The following STXBP5L variants were observed in gnomAD, a reference collection of about 807,000 sequenced individuals.
The protein encoded by STXBP5L is syntaxin binding protein 5L.
A neutral mutation model predicts 144.5 loss-of-function variants in STXBP5L; 65 were observed. That is an observed-to-expected ratio of 0.45 (90% CI 0.37 to 0.55). The LOEUF is 0.55. Ranked by LOEUF, STXBP5L falls within the 20% of genes least tolerant of loss-of-function variation. The pLI is 0.00. For synonymous variants in STXBP5L, 505 were observed against 469.6 expected (o/e 1.08, Z -0.97); for missense variants, 1,298 against 1,405.5 (o/e 0.92, Z 1.22).
intron 22 of STXBP5L, among the ~76,000 whole-genome samples, chr3:121,394,975 A>G (rs893485454): frequency 6.6e-6 from 1 of 152,120 alleles, no homozygotes; most frequent in Non-Finnish European, 1.5e-5. Flanking sequence ...ATAAAACTTC[A>G]TTTACCCTTT....
At chr3:121,383,591 A>G (rs1283227607) in intron 22 of STXBP5L, among the ~76,000 whole-genome samples, 1 of 152,150 alleles carries the variant, frequency 6.6e-6, no homozygotes, top group Non-Finnish European at 1.5e-5. Flanking sequence ...GGAGAAAGCC[A>G]TGAGTCTGGG....
At chr3:121,324,566 T>C (rs1369714093) in intron 20 of STXBP5L, 2 of 694,318 alleles carry the variant, frequency 2.9e-6, no homozygotes, top group Non-Finnish European at 5.2e-6. Context: ...GACAGAGGAA[T>C]CAAGTATATC....
At chr3:121,056,888 A>AT (rs1034661147) in intron 5 of STXBP5L, among the ~76,000 whole-genome samples, 4 of 151,526 alleles carry the variant, frequency 2.6e-5, no homozygotes, top group Admixed American at 1.3e-4. Flanking sequence ...AGAATATCAT[A>AT]TTTTTTTGTT....
chr3:121,164,448 G>A (rs2046431313), intron 9 of STXBP5L, among the ~76,000 whole-genome samples: 1 of 152,148 alleles, frequency 6.6e-6, no homozygotes, highest in South Asian at 2.1e-4. Flanking sequence ...ATGTAGATTG[G>A]TACAGTCATT....
At chr3:121,052,997 T>C (rs1052391773) in intron 5 of STXBP5L, among the ~76,000 whole-genome samples, 1 of 152,176 alleles carries the variant, frequency 6.6e-6, no homozygotes, top group African/African-American at 2.4e-5. Context: ...CCATTCACAA[T>C]TGCTTCAAAG....
intron 5 of STXBP5L, among the ~76,000 whole-genome samples, chr3:121,093,367 C>G (rs1259299815): frequency 6.6e-6 from 1 of 152,100 alleles, no homozygotes. Flanking sequence ...CTCCTTGTAC[C>G]TCTGATAGAA....
chr3:121,226,722 G>T (rs532002460), intron 11 of STXBP5L, among the ~76,000 whole-genome samples: 1 of 152,092 alleles, frequency 6.6e-6, no homozygotes, highest in Non-Finnish European at 1.5e-5. Flanking sequence ...GGACTTTAGG[G>T]CAATGCACAA....
chr3:121,006,036 G>A (rs565573955), intron 3 of STXBP5L, among the ~76,000 whole-genome samples: 2 of 152,276 alleles, frequency 1.3e-5, no homozygotes, highest in South Asian at 4.2e-4. Context: ...CTGATGATTT[G>A]GGGTGGAGAG....
intron 3 of STXBP5L, among the ~76,000 whole-genome samples, chr3:120,977,106 C>G (rs1442615303): frequency 6.6e-6 from 1 of 152,106 alleles, no homozygotes; most frequent in Non-Finnish European, 1.5e-5. Context: ...TCCTTGTTAC[C>G]TTTCTGTCTC....
rs1233505613 is a variant in STXBP5L at position 121,206,016 on chromosome 3, T to G, written c.956+15T>G. 5.5e-6 allele frequency: 8 copies of G among 1,454,552 alleles called. No homozygotes were observed. Among genetic ancestry groups the G allele is most frequent in the Non-Finnish European group, 9.2e-7 (1 of 1,092,592 alleles). 90.1% of individuals were successfully genotyped at this position (1,454,552 alleles called of 1,614,324 possible). A position where few individuals can be genotyped will look rare whatever the true frequency, so the allele number is the denominator to read the frequency against. On this transcript the variant is annotated intron_variant, in intron 10 of 26. Transcript: ENST00000471454. Reference sequence around the variant, plus strand: ...TGCAAAAACAGGTATGCATTTTTACTTTAGGGAAAGAGGGATACGAAGCAG... The same window carrying G: ...TGCAAAAACAGGTATGCATTTTTACGTTAGGGAAAGAGGGATACGAAGCAG...
chr3:121,062,544 G>A (rs952768489), intron 5 of STXBP5L, among the ~76,000 whole-genome samples: 2 of 152,146 alleles, frequency 1.3e-5, no homozygotes, highest in Non-Finnish European at 2.9e-5. Context: ...TTGAATGTTG[G>A]CCTGGGCCTG....
intron 2 of STXBP5L, among the ~76,000 whole-genome samples, chr3:120,926,817 A>G (rs1261976160): frequency 6.6e-6 from 1 of 152,100 alleles, no homozygotes; most frequent in Non-Finnish European, 1.5e-5. Flanking sequence ...TTAGCTGTTG[A>G]GGGCCTCTAG....
chr3:121,004,341 G>C (rs967984274), intron 3 of STXBP5L, among the ~76,000 whole-genome samples: 2 of 151,798 alleles, frequency 1.3e-5, no homozygotes, highest in Non-Finnish European at 2.9e-5. Flanking sequence ...TCATGATTTG[G>C]CTCTCTGTTT....
rs894294330 is a variant in STXBP5L, at chr3:121,422,486, G to A, written c.*3389G>A. 3 of 152,100 alleles carry A rather than the reference G, an allele frequency of 2.0e-5. No individual in the cohort carries two copies. The highest frequency in any genetic ancestry group is 2.9e-5 in the Non-Finnish European group (2 of 68,024). 9.4% of individuals were successfully genotyped at this position (152,100 alleles called of 1,614,324 possible). A position where few individuals can be genotyped will look rare whatever the true frequency, so the allele number is the denominator to read the frequency against. Reference sequence around the variant, plus strand: ...AGGTATTTGTTTCCCTGATAATAACGTGAGCAATAGTCCCTACCTTGAAAT... The same window carrying A: ...AGGTATTTGTTTCCCTGATAATAACATGAGCAATAGTCCCTACCTTGAAAT... On this transcript the variant is annotated 3_prime_UTR_variant, in exon 27 of 27. Coordinates refer to ENST00000471454, the MANE Select transcript of STXBP5L (RefSeq NM_001308330.2).
chr3:121,038,427 A>G (rs1946909679), intron 3 of STXBP5L, among the ~76,000 whole-genome samples: 1 of 151,988 alleles, frequency 6.6e-6, no homozygotes, highest in Admixed American at 6.6e-5. Context: ...TCTGGATGTT[A>G]TTAATTTCAA....
chr3:121,268,583 T>G (rs564971321), intron 18 of STXBP5L, among the ~76,000 whole-genome samples: 7 of 152,168 alleles, frequency 4.6e-5, no homozygotes, highest in Admixed American at 2.6e-4. Context: ...AGATATATAT[T>G]GATTATTACC....
chr3:121,119,064 A>T (rs140278371), intron 6 of STXBP5L, among the ~76,000 whole-genome samples: 1 of 151,542 alleles, frequency 6.6e-6, no homozygotes, highest in African/African-American at 2.4e-5. Context: ...GAGAAAAGTT[A>T]GCAAACTAAT....
chr3:121,347,500 A>G (rs1413085765), intron 20 of STXBP5L, among the ~76,000 whole-genome samples: 2 of 152,106 alleles, frequency 1.3e-5, no homozygotes, highest in African/African-American at 4.8e-5. Context: ...GAAGAAAGTC[A>G]TTTGGTAACT....
rs1310907232 is a variant in STXBP5L, at chr3:121,422,766, AAATC to A, written c.*3672_*3675del. ...TTTTGAAAGTGATTCTCAAATAAAT[AAATC>A]AAAATCCAACTCCTTTCCCTCAAAG... On this transcript the variant is annotated 3_prime_UTR_variant, in exon 27 of 27. Transcript: ENST00000471454. The A allele has an allele frequency of 6.6e-6, 1 of 152,186 alleles. No individual in the cohort carries two copies. The highest frequency in any genetic ancestry group is 1.9e-4 in the East Asian group (1 of 5,188). The allele number at this position is 152,186 out of a possible 1,614,324, so 9.4% of individuals were successfully genotyped here.
Sources: allele counts gnomAD v4.1 joint callset (sites outside exome capture counted in the v4.1 genomes callset), GRCh38; gene constraint gnomAD v4.1.1; transcripts MANE v1.5; gene names NCBI Gene and HGNC (gene_info 2026-07-23, HGNC 2026-07-21).